Variants in GPD1L observed in about 807,000 individuals in gnomAD.
GPD1L encodes the protein glycerol-3-phosphate dehydrogenase 1 like, also known as glycerol-3-phosphate dehydrogenase 1-like protein.
Under a neutral mutation model 32.9 loss-of-function variants are expected in GPD1L, and 17 were observed. The observed-to-expected ratio is 0.52, with a 90% CI of 0.35 to 0.78. The LOEUF (loss-of-function observed/expected upper bound fraction) is 0.78, where lower values mean the gene tolerates loss of function less well. Among genes scored for constraint, GPD1L ranks in the 30% least tolerant of loss-of-function variants. The pLI, the probability that GPD1L is intolerant of heterozygous loss-of-function variation, is 0.01. For synonymous variants in GPD1L, 187 were observed against 165.9 expected, an observed-to-expected ratio of 1.13 and a Z score of -0.98; for missense variants, 361 against 447.8, an observed-to-expected ratio of 0.81 and a Z score of 1.75.
intron 7 of GPD1L, among the ~76,000 whole-genome samples, chr3:32,162,852 A>C (rs994361267): frequency 3.3e-5 from 5 of 151,104 alleles, no homozygotes; most frequent in Non-Finnish European, 5.9e-5. Context: ...TCCGCCTCCC[A>C]TGTTTAAGTA....
At chr3:32,165,730 A>G in intron 7 of GPD1L, 84 bp from the exon 8 acceptor site, 1 of 765,038 alleles carries the variant, frequency 1.3e-6, no homozygotes, top group Non-Finnish European at 2.4e-6. Flanking sequence ...CTAACCTGCA[A>G]TCTGTTAGGA....
chr3:32,136,739 A>G (rs1700665555), intron 2 of GPD1L, among the ~76,000 whole-genome samples: 1 of 152,042 alleles, frequency 6.6e-6, no homozygotes, highest in South Asian at 2.1e-4. Context: ...TTTGCTTTAC[A>G]CTATTATTCT....
intron 1 of GPD1L, among the ~76,000 whole-genome samples, chr3:32,119,359 T>C (rs540762385): frequency 6.6e-6 from 1 of 152,358 alleles, no homozygotes; most frequent in South Asian, 2.1e-4. Context: ...TGCAATCATA[T>C]GGTATGTACA....
rs537289462 is a variant in GPD1L, at chr3:32,144,015, CA to C, written c.506-2606del. Among the ~76,000 whole-genome samples, 55 of 152,064 alleles carry C rather than the reference CA, an allele frequency of 3.6e-4. 1 individual carries two copies. The highest frequency in any genetic ancestry group is 9.2e-4 in the Admixed American group (14 of 15,264). On this transcript the variant is annotated intron_variant, in intron 4 of 7. Transcript: ENST00000282541. Reference sequence around the variant, plus strand: ...AAAAAGGAGACATGAGCACTATGTGCAGTGTGGGGTCCTGGATTAGGCAGGG... The same window carrying C: ...AAAAAGGAGACATGAGCACTATGTGCGTGTGGGGTCCTGGATTAGGCAGGG...
At chr3:32,107,035 C>T (rs1168938694) in intron 1 of GPD1L, among the ~76,000 whole-genome samples, 1 of 152,182 alleles carries the variant, frequency 6.6e-6, no homozygotes, top group Non-Finnish European at 1.5e-5. Flanking sequence ...CGTTACTGAG[C>T]GCACAGAAGC....
At chr3:32,153,628 T>C (rs1275265676) in intron 5 of GPD1L, among the ~76,000 whole-genome samples, 2 of 152,282 alleles carry the variant, frequency 1.3e-5, no homozygotes, top group South Asian at 2.1e-4. Context: ...TCCCAAACCC[T>C]GCAGACAGTC....
At position 32,114,911 on chromosome 3, in the gene GPD1L, G is replaced by A. The variant is rs571078994; in HGVS notation, c.47+8153G>A. ...TTCCTCCAGGTGGGTTTGTGGTCTC[G>A]CTTACTTCAGGAGTGAAGCCGCAGA... On this transcript the variant is annotated intron_variant, in intron 1 of 7. Coordinates refer to ENST00000282541, the MANE Select transcript of GPD1L (RefSeq NM_015141.4). Among the ~76,000 whole-genome samples, 7 of 152,294 alleles carry A rather than the reference G, an allele frequency of 4.6e-5. No individual in the cohort carries two copies. The South Asian group carries it at 8.3e-4, about 18-fold the overall frequency.
intron 1 of GPD1L, among the ~76,000 whole-genome samples, chr3:32,119,142 T>G (rs1700372144): frequency 6.6e-6 from 1 of 152,196 alleles, no homozygotes. Context: ...AGAAACAGAA[T>G]TGCTTGATCA....
intron 5 of GPD1L, among the ~76,000 whole-genome samples, chr3:32,152,775 A>G (rs1203604167): frequency 6.6e-6 from 1 of 152,044 alleles, no homozygotes; most frequent in Non-Finnish European, 1.5e-5. Flanking sequence ...TGGTCTGTGA[A>G]AGTGACCAGA....
At chr3:32,152,668 C>T (rs913285641) in intron 5 of GPD1L, among the ~76,000 whole-genome samples, 3 of 152,108 alleles carry the variant, frequency 2.0e-5, no homozygotes, top group Non-Finnish European at 4.4e-5. Context: ...CCCCACCTCC[C>T]AACACTGCCA....
At chr3:32,126,332 C>G (rs1020160655) in intron 1 of GPD1L, among the ~76,000 whole-genome samples, 8 of 152,178 alleles carry the variant, frequency 5.3e-5, no homozygotes, top group African/African-American at 1.7e-4. Flanking sequence ...CAAGTGTATT[C>G]CAGTAAGATC....
chr3:32,163,240 C>T (rs1192908720), intron 7 of GPD1L, among the ~76,000 whole-genome samples: 1 of 134,654 alleles, frequency 7.4e-6, no homozygotes, highest in East Asian at 2.3e-4. Context: ...ACGATCTTGG[C>T]TCACTGCAAC....
At chr3:32,162,570 A>C (rs1701087486) in intron 7 of GPD1L, among the ~76,000 whole-genome samples, 1 of 122,440 alleles carries the variant, frequency 8.2e-6, no homozygotes, top group Admixed American at 7.6e-5. Context: ...TATTTTTAGT[A>C]GAGACGGGGT....
At chr3:32,144,017 G>GT (rs1700785541) in intron 4 of GPD1L, among the ~76,000 whole-genome samples, 1 of 152,076 alleles carries the variant, frequency 6.6e-6, no homozygotes, top group Non-Finnish European at 1.5e-5. Context: ...ACTATGTGCA[G>GT]TGTGGGGTCC....
intron 4 of GPD1L, among the ~76,000 whole-genome samples, chr3:32,141,536 A>G (rs1003882500): frequency 5.3e-5 from 8 of 152,232 alleles, no homozygotes; most frequent in African/African-American, 1.9e-4. Flanking sequence ...CAGCAATTCC[A>G]TATATTTGGA....
chr3:32,117,716 G>T (rs1416893738), intron 1 of GPD1L, among the ~76,000 whole-genome samples: 1 of 152,178 alleles, frequency 6.6e-6, no homozygotes, highest in Non-Finnish European at 1.5e-5. Flanking sequence ...CTTGTTTGAA[G>T]CACCATGGAC....
intron 5 of GPD1L, among the ~76,000 whole-genome samples, chr3:32,153,369 C>T (rs186482294): frequency 5.0e-4 from 76 of 152,366 alleles, no homozygotes; most frequent in Non-Finnish European, 9.1e-4. Context: ...TTCGGAGTCA[C>T]AGTAACTACA....
chr3:32,142,222 G>T (rs560017452), intron 4 of GPD1L, among the ~76,000 whole-genome samples: 1 of 151,860 alleles, frequency 6.6e-6, no homozygotes, highest in African/African-American at 2.4e-5. Context: ...TGGTTCAAGC[G>T]ATTCTCCTGC....
At chr3:32,142,144 G>A (rs1336651182) in intron 4 of GPD1L, among the ~76,000 whole-genome samples, 2 of 150,424 alleles carry the variant, frequency 1.3e-5, no homozygotes, top group Admixed American at 6.6e-5. Flanking sequence ...TTTTGAGATG[G>A]AGTCTCACCC....
Sources: allele counts gnomAD v4.1 joint callset (sites outside exome capture counted in the v4.1 genomes callset), GRCh38; gene constraint gnomAD v4.1.1; transcripts MANE v1.5; gene names NCBI Gene and HGNC (gene_info 2026-07-23, HGNC 2026-07-21).